Variants in GCSH observed in about 807,000 individuals in gnomAD.
The protein encoded by GCSH is glycine cleavage system protein H.
Under a neutral mutation model 21.3 loss-of-function variants are expected in GCSH, and 15 were observed. The observed-to-expected ratio is 0.70, with a 90% CI of 0.47 to 1.08. The LOEUF is 1.08. Ranked by LOEUF, GCSH falls within the 50% of genes least tolerant of loss-of-function variation. GCSH has a pLI of 0.00. For missense variants in GCSH, 179 were observed against 217.5 expected (o/e 0.82, Z 1.11); for synonymous variants, 59 against 84.5 (o/e 0.70, Z 1.66).
intron 1 of GCSH, among the ~76,000 whole-genome samples, chr16:81,095,320 G>C (rs186344957): frequency 1.4e-4 from 21 of 151,452 alleles, no homozygotes; most frequent in African/African-American, 5.1e-4. Flanking sequence ...GGAAATAGCT[G>C]AATCTTCAAA....
rs1373703138 is a variant in GCSH at position 81,084,454 on chromosome 16, AC to A, written c.424+8del. On this transcript the variant is annotated splice_region_variant and intron_variant, in intron 4 of 4. Coordinates refer to ENST00000315467, the MANE Select transcript of GCSH (RefSeq NM_004483.5). ...GTAATTCCTTGAGAAATTTCTAGCA[AC>A]AGCTTACCATCTTCATAACAAGATT... is the stretch of plus-strand genomic sequence containing the variant. The A allele has an allele frequency of 6.2e-7, 1 of 1,606,460 alleles. No individual in the cohort carries two copies. The highest frequency in any genetic ancestry group is 8.5e-7 in the Non-Finnish European group (1 of 1,173,104).
At chr16:81,095,004 A>T (rs1448346967) in intron 1 of GCSH, among the ~76,000 whole-genome samples, 2 of 151,816 alleles carry the variant, frequency 1.3e-5, no homozygotes, top group East Asian at 3.9e-4. Flanking sequence ...GAGGCAAGAG[A>T]ATCGCTTGAA....
At chr16:81,094,145 C>G (rs148080120) in intron 1 of GCSH, among the ~76,000 whole-genome samples, 1,624 of 152,194 alleles carry the variant, frequency 0.011, 26 homozygotes, top group African/African-American at 0.036. Context: ...GGTGATCCGC[C>G]CGCCTCAGCC....
chr16:81,083,145 AAAT>A (rs1456839876), intron 4 of GCSH, 182 bp from the exon 5 acceptor site: 5 of 620,354 alleles, frequency 8.1e-6, no homozygotes, highest in Admixed American at 5.7e-5. Context: ...TAACAAATGA[AAAT>A]AATTATGGCT....
chr16:81,084,825 C>A (rs527716222), intron 3 of GCSH, among the ~76,000 whole-genome samples: 4 of 151,582 alleles, frequency 2.6e-5, no homozygotes, highest in Non-Finnish European at 4.4e-5. Context: ...CATTCTCCTG[C>A]CTCAGCCTCC....
chr16:81,087,660 G>C lies in GCSH; in HGVS notation c.233C>G (p.Ala78Gly), dbSNP rs371364013. Residue 78 changes from alanine (A) to glycine (G), a missense_variant, in exon 3 of 5, where the codon GCG (alanine) becomes GGG (glycine). Physicochemically the swap from Ala to Gly is moderately conservative, Grantham distance 60. Transcript: ENST00000315467. ...ACTACAATAAACAACATCTCCCAACGCTTCCTAAATAAAACAAGACAAAAC... is the reference window on the plus strand; with the variant it reads ...ACTACAATAAACAACATCTCCCAACCCTTCCTAAATAAAACAAGACAAAAC... ...TVGISNFAQE[A>G]LGDVVYCSLP... 6.8e-6 allele frequency: 11 copies of C among 1,610,196 alleles called. No individual in the cohort carries two copies. Among genetic ancestry groups the C allele is most frequent in the Non-Finnish European group, 7.6e-6 (9 of 1,176,872 alleles).
intron 4 of GCSH, chr16:81,083,876 T>C (rs1270519561): frequency 6.5e-6 from 1 of 152,832 alleles, no homozygotes; most frequent in Non-Finnish European, 1.5e-5. Context: ...GCTTTATGTC[T>C]GAAAAAGTAA....
intron 1 of GCSH, chr16:81,090,892 C>A (rs1205387804): frequency 3.2e-6 from 2 of 624,728 alleles, no homozygotes; most frequent in Admixed American, 2.4e-5. Flanking sequence ...ATGGCTTCAT[C>A]TGAACACCTT....
chr16:81,090,565 G>C (rs752431168), intron 2 of GCSH, 36 bp downstream of exon 2: 2 of 1,338,828 alleles, frequency 1.5e-6, no homozygotes, highest in East Asian at 4.6e-5. Flanking sequence ...TCATGCAAGA[G>C]CACACTGGGA....
At position 81,087,705 on chromosome 16, in the gene GCSH, A is replaced by G. The variant is rs368118458; in HGVS notation, c.229-41T>C. 486 of 1,353,658 alleles carry G rather than the reference A, an allele frequency of 3.6e-4. 1 individual carries two copies. The highest frequency in any genetic ancestry group is 4.6e-4 in the Non-Finnish European group (434 of 944,562). The allele number at this position is 1,353,658 out of a possible 1,614,324, so 83.9% of individuals were successfully genotyped here. A position where few individuals can be genotyped will look rare whatever the true frequency, so the allele number is the denominator to read the frequency against. ...CAAAACCAAAAATCTCTAAGAAGTTATAACTAAACCCTCCAGTAAACAGAA... is the reference window on the plus strand; with the variant it reads ...CAAAACCAAAAATCTCTAAGAAGTTGTAACTAAACCCTCCAGTAAACAGAA... On this transcript the variant is annotated intron_variant, in intron 2 of 4. Coordinates refer to ENST00000315467, the MANE Select transcript of GCSH (RefSeq NM_004483.5).
chr16:81,088,557 C>T (rs1972331127), intron 2 of GCSH, among the ~76,000 whole-genome samples: 2 of 152,080 alleles, frequency 1.3e-5, no homozygotes, highest in Non-Finnish European at 2.9e-5. Flanking sequence ...CACCACCATG[C>T]CTGGTTAATT....
At chr16:81,084,167 C>CA in intron 4 of GCSH, 1 of 514,706 alleles carries the variant, frequency 1.9e-6, no homozygotes, top group Non-Finnish European at 3.4e-6. Flanking sequence ...TCTATAGAGA[C>CA]AGAGTTTCAC....
At chr16:81,094,485 A>AC (rs1972460598) in intron 1 of GCSH, among the ~76,000 whole-genome samples, 1 of 151,854 alleles carries the variant, frequency 6.6e-6, no homozygotes. Flanking sequence ...AGCCTGGGCG[A>AC]CAGAGCGAGA....
rs552335701 is a variant in GCSH at position 81,084,966 on chromosome 16, C to T, written c.293-372G>A. On this transcript the variant is annotated intron_variant, in intron 3 of 4. Coordinates refer to ENST00000315467, the MANE Select transcript of GCSH (RefSeq NM_004483.5). ...TCCTGATGCCGTGATCCGCCCGCCT[C>T]GGCCTCCCAAAGTGCTGGGATTATA... 1.0e-3 allele frequency among the ~76,000 whole-genome samples: 151 copies of T among 148,370 alleles called. 1 individual carries two copies. Among genetic ancestry groups the T allele is most frequent in the Admixed American group, 7.8e-3 (114 of 14,632 alleles).
chr16:81,089,463 A>G (rs967447793), intron 2 of GCSH, among the ~76,000 whole-genome samples: 1 of 152,176 alleles, frequency 6.6e-6, no homozygotes, highest in African/African-American at 2.4e-5. Context: ...GATTGCCTAC[A>G]GTATTCAGTA....
At chr16:81,094,766 GCAGAGGAGCAGT>G (rs1390179549) in intron 1 of GCSH, among the ~76,000 whole-genome samples, 2 of 132,718 alleles carry the variant, frequency 1.5e-5, no homozygotes, top group Non-Finnish European at 3.4e-5. Flanking sequence ...CGCAATCGAA[GCAGAGGAGCAGT>G]CAGTGTATCA....
chr16:81,084,633 A>G, intron 3 of GCSH, 39 bp from the exon 4 acceptor site: 1 of 1,499,134 alleles, frequency 6.7e-7, no homozygotes, highest in Non-Finnish European at 9.2e-7. Flanking sequence ...TGAAATGTTA[A>G]AAGTCAGTTA....
In GCSH at chr16:81,084,606, A is replaced by G; in HGVS notation, c.293-12T>C. ...AGCACCAAACTCATCTAAGTGGAAA[A>G]AAAATTAAAGAAAACATGAAATGTT... On this transcript the variant is annotated splice_polypyrimidine_tract_variant and intron_variant, in intron 3 of 4. Transcript: ENST00000315467. 6.3e-7 allele frequency: 1 copy of G among 1,596,106 alleles called. No individual in the cohort carries two copies. The highest frequency in any genetic ancestry group is 1.1e-5 in the South Asian group (1 of 89,876).
rs771839953 is a variant in GCSH, at chr16:81,082,787, A to G, written c.*79T>C. On this transcript the variant is annotated 3_prime_UTR_variant, in exon 5 of 5. Coordinates refer to ENST00000315467, the MANE Select transcript of GCSH (RefSeq NM_004483.5). ...GGTAATACTAAAAGTTTCTATTCTA[A>G]GTCTTCTATCCACCACTAATTTAAG... 2.7e-6 allele frequency: 2 copies of G among 744,356 alleles called. No individual in the cohort carries two copies. The allele number at this position is 744,356 out of a possible 1,614,324, so 46.1% of individuals were successfully genotyped here.
Sources: allele counts gnomAD v4.1 joint callset (sites outside exome capture counted in the v4.1 genomes callset), GRCh38; gene constraint gnomAD v4.1.1; transcripts MANE v1.5; gene names NCBI Gene and HGNC (gene_info 2026-07-23, HGNC 2026-07-21).